PPM1G: variants seen among roughly 807,000 people sequenced by gnomAD.
PPM1G encodes protein phosphatase, Mg2+/Mn2+ dependent 1G, also known as protein phosphatase 1G.
PPM1G carries 12 observed loss-of-function variants against 59.4 expected under a neutral mutation model. The observed-to-expected ratio is 0.20, with a 90% CI of 0.13 to 0.33. The LOEUF (loss-of-function observed/expected upper bound fraction) is 0.33. Among genes scored for constraint, PPM1G ranks in the 10% least tolerant of loss-of-function variants. The pLI, the probability that PPM1G is intolerant of heterozygous loss-of-function variation, is 1.00. For synonymous variants in PPM1G, 245 were observed against 251.9 expected, an observed-to-expected ratio of 0.97 and a Z score of 0.26; for missense variants, 392 against 681.3, an observed-to-expected ratio of 0.58 and a Z score of 4.73.
Position 27,382,400 on chromosome 2 carries a change from C to T in PPM1G, c.1331+76G>A. 1 of 1,598,016 alleles carries T rather than the reference C, an allele frequency of 6.3e-7. No homozygotes were observed. The highest frequency in any genetic ancestry group is 1.3e-5 in the African/African-American group (1 of 74,462). On this transcript the variant is annotated intron_variant, in intron 8 of 9. Transcript: ENST00000344034. This position sits in a 1 kb window ranked among gnomAD's most constrained non-coding sequence, Gnocchi z 4.2. Reference sequence around the variant, plus strand: ...GGCCTAGGTCTGCCTAGGCTCTAATCCTAGAGGTGCCCTGAGTCCTATAAG... The same window carrying T: ...GGCCTAGGTCTGCCTAGGCTCTAATTCTAGAGGTGCCCTGAGTCCTATAAG...
rs1683680360 is a variant in PPM1G at position 27,383,078 on chromosome 2, C to T, written c.1201+288G>A. On this transcript the variant is annotated intron_variant, in intron 7 of 9. Coordinates refer to ENST00000344034, the MANE Select transcript of PPM1G (RefSeq NM_177983.3). The surrounding 1 kb of genome is among the most constrained non-coding windows in gnomAD (Gnocchi z 5.0). ...CTCGAACTCCTGACCTCAGGCGATC[C>T]ACCAGCCTCAGCCTCCCAAAGTGCT... Among the ~76,000 whole-genome samples the T allele has an allele frequency of 6.6e-6, 1 of 151,896 alleles. No individual in the cohort carries two copies. Among genetic ancestry groups the T allele is most frequent in the African/African-American group, 2.4e-5 (1 of 41,350 alleles).
chr2:27,383,324 G>T lies in PPM1G; in HGVS notation c.1201+42C>A, dbSNP rs376602966. 7.6e-6 allele frequency: 12 copies of T among 1,580,766 alleles called. No individual in the cohort carries two copies. The highest frequency in any genetic ancestry group is 1.3e-5 in the African/African-American group (1 of 74,176). On this transcript the variant is annotated intron_variant, in intron 7 of 9. Coordinates refer to ENST00000344034, the MANE Select transcript of PPM1G (RefSeq NM_177983.3). The surrounding 1 kb of genome is among the most constrained non-coding windows in gnomAD (Gnocchi z 5.0). Reference sequence around the variant, plus strand: ...TTGCTACTAGGTAGTCTGGGACAGAGAGAAAGACCCTAGAAGTCTTTCCCA... The same window carrying T: ...TTGCTACTAGGTAGTCTGGGACAGATAGAAAGACCCTAGAAGTCTTTCCCA...
At chr2:27,391,415 T>C (rs955873336) in intron 1 of PPM1G, among the ~76,000 whole-genome samples, 12 of 152,338 alleles carry the variant, frequency 7.9e-5, no homozygotes, top group African/African-American at 2.4e-4. Flanking sequence ...TGGTTCTAAT[T>C]TGCATTTGTC....
Position 27,384,052 on chromosome 2 carries a change from GCCT to G in PPM1G, c.863_865del (p.Glu288del). ...GTCATCCTCATCTTCCTCATTCTCT[GCCT>G]CCTCACTGCTGTAGCCATCCTCTTC... is the stretch of plus-strand genomic sequence containing the variant. On this transcript the variant is annotated inframe_deletion, in exon 6 of 10. Transcript: ENST00000344034. This position sits in a 1 kb window ranked among gnomAD's most constrained non-coding sequence, Gnocchi z 4.8. The G allele has an allele frequency of 6.2e-7, 1 of 1,612,578 alleles. No individual in the cohort carries two copies. Among genetic ancestry groups the G allele is most frequent in the Non-Finnish European group, 8.5e-7 (1 of 1,179,334 alleles).
In PPM1G at chr2:27,391,880, C is replaced by T. The variant is rs573994407; in HGVS notation, c.121-4722G>A. Among the ~76,000 whole-genome samples the T allele has an allele frequency of 4.6e-5, 7 of 151,770 alleles. No homozygotes were observed. In the East Asian group the frequency reaches 1.2e-3, roughly 25 times the overall value. On this transcript the variant is annotated intron_variant, in intron 1 of 9. Coordinates refer to ENST00000344034, the MANE Select transcript of PPM1G (RefSeq NM_177983.3). ...CTGAGTAGCTGGGATAACAGGCACG[C>T]GCCGCCACGCCCAGCTAATTTTTGT...
chr2:27,401,835 A>C (rs1684185930), intron 1 of PPM1G, among the ~76,000 whole-genome samples: 1 of 152,124 alleles, frequency 6.6e-6, no homozygotes, highest in Non-Finnish European at 1.5e-5. Context: ...TCGAAAAAAG[A>C]AAAAAAGAAG....
At chr2:27,399,633 C>A (rs963259722) in intron 1 of PPM1G, among the ~76,000 whole-genome samples, 34 of 152,060 alleles carry the variant, frequency 2.2e-4, no homozygotes, top group African/African-American at 7.7e-4. Flanking sequence ...ACAAAAAGTT[C>A]AAACATCATT....
At chr2:27,402,689 G>T (rs1558321925) in intron 1 of PPM1G, among the ~76,000 whole-genome samples, 1 of 151,662 alleles carries the variant, frequency 6.6e-6, no homozygotes, top group African/African-American at 2.4e-5. Flanking sequence ...GGCGCCTGTA[G>T]TCCAGCTACG....
At chr2:27,397,358 C>A (rs1209279271) in intron 1 of PPM1G, among the ~76,000 whole-genome samples, 1 of 152,126 alleles carries the variant, frequency 6.6e-6, no homozygotes, top group East Asian at 1.9e-4. Flanking sequence ...CAGCATTACC[C>A]TGATTCTAAA....
At chr2:27,408,310 A>T (rs1158829375) in intron 1 of PPM1G, among the ~76,000 whole-genome samples, 1 of 152,158 alleles carries the variant, frequency 6.6e-6, no homozygotes, top group Non-Finnish European at 1.5e-5. Flanking sequence ...CCTCAATACC[A>T]GACAGAGTAT....
At chr2:27,406,889 T>C (rs553872624) in intron 1 of PPM1G, among the ~76,000 whole-genome samples, 1 of 152,176 alleles carries the variant, frequency 6.6e-6, no homozygotes, top group South Asian at 2.1e-4. Context: ...GAAAATGCCA[T>C]GGAAATGGAA....
At chr2:27,386,161 C>T in intron 3 of PPM1G, 33 bp downstream of exon 3, 2 of 1,569,330 alleles carry the variant, frequency 1.3e-6, no homozygotes, top group Non-Finnish European at 1.8e-6. Context: ...AAAGCCTACA[C>T]AAGTGAGGAA....
chr2:27,388,263 GCC>G (rs1438743197), intron 1 of PPM1G, among the ~76,000 whole-genome samples: 2 of 149,832 alleles, frequency 1.3e-5, no homozygotes, highest in Non-Finnish European at 3.0e-5. Context: ...ACAAAAATTA[GCC>G]AGGCGTGGTG....
chr2:27,385,811 T>C lies in PPM1G; in HGVS notation c.345A>G (p.Ala115=), dbSNP rs147885777. 1.9e-6 allele frequency: 3 copies of C among 1,614,160 alleles called. No homozygotes were observed. Among genetic ancestry groups the C allele is most frequent in the Non-Finnish European group, 2.5e-6 (3 of 1,180,032 alleles). Residue 115 remains alanine (A), a synonymous_variant, in exon 4 of 10, where the codon GCA becomes GCG. Transcript: ENST00000344034. This position sits in a 1 kb window ranked among gnomAD's most constrained non-coding sequence, Gnocchi z 4.1. The part of the protein sequence containing the change: ...LTTEEVIKEL[A]QIAGRPTEDE... ...CCTCAGTGGGTCGCCCTGCAATCTG[T>C]GCCAGCTCTTTAATGACTTCTTCAG...
intron 3 of PPM1G, 148 bp from the exon 4 acceptor site, chr2:27,386,027 A>G: frequency 7.9e-7 from 1 of 1,269,600 alleles, no homozygotes; most frequent in Non-Finnish European, 1.1e-6. Flanking sequence ...CCTAGGAATA[A>G]TAAGGCAAGT....
Position 27,381,563 on chromosome 2 carries a change from GA to G in PPM1G, c.*35del, listed in dbSNP as rs967167835. 6.8e-6 allele frequency: 11 copies of G among 1,612,614 alleles called. No homozygotes were observed. The highest frequency in any genetic ancestry group is 7.6e-6 in the Non-Finnish European group (9 of 1,178,792). On this transcript the variant is annotated 3_prime_UTR_variant, in exon 10 of 10. Coordinates refer to ENST00000344034, the MANE Select transcript of PPM1G (RefSeq NM_177983.3). ...CTCAGTCTCAGGTCCGGAGGGCTCAGAAAACAGTCTAGGTGGGCAGGGGTCT... is the reference window on the plus strand; with the variant it reads ...CTCAGTCTCAGGTCCGGAGGGCTCAGAAACAGTCTAGGTGGGCAGGGGTCT...
chr2:27,394,318 T>A (rs532650751), intron 1 of PPM1G, among the ~76,000 whole-genome samples: 1 of 152,346 alleles, frequency 6.6e-6, no homozygotes, highest in South Asian at 2.1e-4. Context: ...CTATAATGGC[T>A]TTAAGCTGTT....
chr2:27,409,361 G>C lies in PPM1G; in HGVS notation c.62C>G (p.Pro21Arg). The C allele has an allele frequency of 2.6e-6, 4 of 1,541,836 alleles. No homozygotes were observed. The highest frequency in any genetic ancestry group is 3.5e-6 in the Non-Finnish European group (4 of 1,143,542). The change falls in exon 1 of 10, where the codon CCG becomes CGG. Residue 21 changes from proline to arginine, a missense_variant. Physicochemically the swap from Pro to Arg is moderately radical, Grantham distance 103 (BLOSUM62 -2). Coordinates refer to ENST00000344034, the MANE Select transcript of PPM1G (RefSeq NM_177983.3). The stretch of plus-strand genomic sequence containing the variant: ...GAAGCCGTAGGGCAGCGGCAGGCGC[G>C]GGGCGCCGACCCCGTCCCCGGAGCA... ...VKCSGDGVGAPRLPLPYGFSA... is the reference protein window; with the variant it reads ...VKCSGDGVGARRLPLPYGFSA...
intron 1 of PPM1G, among the ~76,000 whole-genome samples, chr2:27,408,827 T>C (rs1663441067): frequency 6.6e-6 from 1 of 152,004 alleles, no homozygotes; most frequent in African/African-American, 2.4e-5. Context: ...CTGCCCGGGG[T>C]TCCTTTCACT....
Sources: allele counts gnomAD v4.1 joint callset (sites outside exome capture counted in the v4.1 genomes callset), GRCh38; gene constraint gnomAD v4.1.1; non-coding constraint Gnocchi (gnomAD v3.1); transcripts MANE v1.5; gene names NCBI Gene and HGNC (gene_info 2026-07-23, HGNC 2026-07-21).